The following MAMLD1 variants were observed in gnomAD, a reference collection of about 807,000 sequenced individuals.
The protein encoded by MAMLD1 is mastermind-like domain-containing protein 1.
A neutral mutation model predicts 45.0 loss-of-function variants in MAMLD1; 14 were observed. The ratio of observed to expected loss-of-function variants is 0.31; its 90% CI spans 0.21 to 0.49. The LOEUF (loss-of-function observed/expected upper bound fraction) is 0.49. MAMLD1 is among the 20% of genes least tolerant of loss of function. The pLI is 0.99. For synonymous variants in MAMLD1, 254 were observed against 247.8 expected (o/e 1.02, Z -0.24); for missense variants, 543 against 603.6 (o/e 0.90, Z 1.05).
intron 1 of MAMLD1, among the ~76,000 whole-genome samples, chrX:150,404,010 A>AGGAAG (rs2033931750): frequency 4.0e-5 from 4 of 99,997 alleles, no homozygotes; most frequent in African/African-American, 1.5e-4. Flanking sequence ...AAAGGAAGGA[A>AGGAAG]GAAAGAAGAA....
intron 5 of MAMLD1, among the ~76,000 whole-genome samples, chrX:150,495,948 T>A (rs2037362939): frequency 8.9e-6 from 1 of 112,801 alleles, no homozygotes; most frequent in Non-Finnish European, 1.9e-5. Context: ...ATTATGATGC[T>A]GTTATCTCCT....
Position 150,470,299 on chromosome X carries a change from T to C in MAMLD1, c.726T>C (p.Ser242=), listed in dbSNP as rs782496719. Residue 242 remains serine, a synonymous_variant, in exon 4 of 8, where the codon AGT becomes AGC. Coordinates refer to ENST00000370401, the MANE Select transcript of MAMLD1 (RefSeq NM_005491.5). ...SLASSKEFAS[S]CSQVTGMSLQ... is the part of the protein sequence containing the mutation. ...CTTCCAGCAAGGAGTTTGCTTCTAG[T>C]TGCAGCCAAGTTACTGGCATGTCAC... 8.3e-7 allele frequency: 1 copy of C among 1,208,719 alleles called. No individual in the cohort carries two copies. The highest frequency in any genetic ancestry group is 3.0e-5 in the East Asian group (1 of 33,781).
intron 1 of MAMLD1, among the ~76,000 whole-genome samples, chrX:150,401,217 C>G (rs1444722479): frequency 9.0e-6 from 1 of 110,588 alleles, no homozygotes; most frequent in Non-Finnish European, 1.9e-5. Flanking sequence ...GCAACTTCAG[C>G]AAAGTCTCAG....
intron 6 of MAMLD1, chrX:150,509,353 C>A (rs976589876): frequency 1.7e-5 from 2 of 114,628 alleles, no homozygotes; most frequent in Non-Finnish European, 3.6e-5. Flanking sequence ...GGCTAGGTAT[C>A]CACCACTACA....
intron 1 of MAMLD1, among the ~76,000 whole-genome samples, chrX:150,383,963 A>G (rs2032794745): frequency 2.7e-5 from 3 of 111,579 alleles, no homozygotes; most frequent in Admixed American, 1.9e-4. Flanking sequence ...TTGCCAAATA[A>G]TATTCCACAT....
chrX:150,481,409 G>A (rs963892545), intron 5 of MAMLD1, among the ~76,000 whole-genome samples: 1 of 112,627 alleles, frequency 8.9e-6, no homozygotes, highest in Non-Finnish European at 1.9e-5. Flanking sequence ...TGGAACCCTT[G>A]TGCATTGTTG....
intron 1 of MAMLD1, among the ~76,000 whole-genome samples, chrX:150,365,504 G>A (rs951950714): frequency 8.8e-6 from 1 of 113,238 alleles, no homozygotes; most frequent in African/African-American, 3.2e-5. Context: ...GCGCTCGCCG[G>A]GCTCGGGCAT....
chrX:150,456,118 A>G (rs2368859), intron 2 of MAMLD1, among the ~76,000 whole-genome samples: 3,712 of 110,919 alleles, frequency 0.033, 169 homozygotes, highest in African/African-American at 0.12. Context: ...GAAGAGCTGA[A>G]GTGATCTGCC....
chrX:150,364,546 G>T (rs1345304603), intron 1 of MAMLD1, among the ~76,000 whole-genome samples: 1 of 112,390 alleles, frequency 8.9e-6, no homozygotes, highest in East Asian at 2.8e-4. Flanking sequence ...GTGAGCGGGC[G>T]GGAGCACAGC....
chrX:150,379,262 G>T (rs1296486254), intron 1 of MAMLD1, among the ~76,000 whole-genome samples: 1 of 111,407 alleles, frequency 9.0e-6, no homozygotes, highest in African/African-American at 3.3e-5. Context: ...AAATCTCTCT[G>T]CCATTACCAT....
chrX:150,462,936 C>T (rs1419415056), intron 3 of MAMLD1, 90 bp downstream of exon 3: 31 of 668,140 alleles, frequency 4.6e-5, no homozygotes, highest in Non-Finnish European at 7.0e-5. Context: ...CAAGAGGTCA[C>T]ACCACAAGGT....
intron 1 of MAMLD1, among the ~76,000 whole-genome samples, chrX:150,420,665 C>A (rs1557403452): frequency 8.9e-6 from 1 of 112,206 alleles, no homozygotes; most frequent in Admixed American, 9.4e-5. Flanking sequence ...ACAGAGAGGA[C>A]CCTCAGCTAC....
At chrX:150,424,183 A>G (rs2034623536) in intron 1 of MAMLD1, among the ~76,000 whole-genome samples, 2 of 112,424 alleles carry the variant, frequency 1.8e-5, no homozygotes, top group South Asian at 3.7e-4. Flanking sequence ...TTTGCCCTCA[A>G]TTGGCTTATT....
intron 1 of MAMLD1, among the ~76,000 whole-genome samples, chrX:150,366,747 C>A (rs1569564285): frequency 1.8e-5 from 2 of 111,496 alleles, no homozygotes; most frequent in Non-Finnish European, 3.8e-5. Context: ...GCTCTGGGGG[C>A]CGCCCTGCCC....
intron 1 of MAMLD1, among the ~76,000 whole-genome samples, chrX:150,419,134 C>T (rs1480895024): frequency 1.0e-5 from 1 of 98,174 alleles, no homozygotes; most frequent in Admixed American, 1.1e-4. Flanking sequence ...GTATTGGGTG[C>T]ATATATATTT....
chrX:150,468,168 G>A (rs1446300153), intron 3 of MAMLD1, among the ~76,000 whole-genome samples: 1 of 111,774 alleles, frequency 8.9e-6, no homozygotes, highest in African/African-American at 3.3e-5. Context: ...TGTGGTGGGA[G>A]GGCCCAGGAA....
intron 2 of MAMLD1, among the ~76,000 whole-genome samples, chrX:150,452,362 T>C (rs1370534563): frequency 1.8e-5 from 2 of 111,527 alleles, no homozygotes; most frequent in Non-Finnish European, 3.8e-5. Flanking sequence ...GAGAGTTATG[T>C]GGTGGAGGTG....
intron 4 of MAMLD1, 97 bp from the exon 5 acceptor site, chrX:150,473,583 G>A: frequency 2.4e-6 from 2 of 849,023 alleles, no homozygotes; most frequent in Admixed American, 4.4e-5. Context: ...CGGGGGAGCG[G>A]TGTGGAGATA....
chrX:150,463,779 G>A (rs981243739), intron 3 of MAMLD1, among the ~76,000 whole-genome samples: 7 of 110,827 alleles, frequency 6.3e-5, no homozygotes, highest in African/African-American at 2.3e-4. Flanking sequence ...AGTGGCAGGT[G>A]GTGGCAAGCA....
Sources: allele counts gnomAD v4.1 joint callset (sites outside exome capture counted in the v4.1 genomes callset), GRCh38; gene constraint gnomAD v4.1.1; transcripts MANE v1.5; gene names NCBI Gene and HGNC (gene_info 2026-07-23, HGNC 2026-07-21).